CDK14: variants seen among roughly 807,000 people sequenced by gnomAD.
CDK14 encodes cyclin-dependent kinase 14.
CDK14 carries 34 observed loss-of-function variants against 60.7 expected under a neutral mutation model. The ratio of observed to expected loss-of-function variants is 0.56; its 90% CI spans 0.43 to 0.75. The LOEUF is 0.75. CDK14 is among the 30% of genes least tolerant of loss of function. The pLI, the probability that CDK14 is intolerant of heterozygous loss-of-function variation, is 0.00. For missense variants in CDK14, 482 were observed against 564.1 expected (o/e 0.85, Z 1.47); for synonymous variants, 197 against 203.7 (o/e 0.97, Z 0.28).
chr7:91,083,893 G>A (rs1798552795), intron 12 of CDK14, among the ~76,000 whole-genome samples: 1 of 152,208 alleles, frequency 6.6e-6, no homozygotes, highest in Non-Finnish European at 1.5e-5. Flanking sequence ...CTGATCACTA[G>A]CAGTGGCAAC....
rs200146089 is a variant in CDK14 at position 91,059,811 on chromosome 7, T to A, written c.1105+13851T>A. On this transcript the variant is annotated intron_variant, in intron 11 of 14. Transcript: ENST00000380050. ...CTGTTCTTTTACATTTGCTGAGGAG[T>A]GCTTTACTTCCAAGTATGTGGTCAA... Among the ~76,000 whole-genome samples, 46 of 152,266 alleles carry A rather than the reference T, an allele frequency of 3.0e-4. No individual in the cohort carries two copies. The East Asian group carries it at 5.8e-3, about 19-fold the overall frequency.
chr7:90,996,751 T>C (rs1031597697), intron 10 of CDK14, among the ~76,000 whole-genome samples: 1 of 152,206 alleles, frequency 6.6e-6, no homozygotes, highest in African/African-American at 2.4e-5. Flanking sequence ...AGATATACCA[T>C]TCAATTAAAT....
chr7:90,810,835 G>A (rs963793460), intron 5 of CDK14, among the ~76,000 whole-genome samples: 3 of 151,870 alleles, frequency 2.0e-5, no homozygotes, highest in Non-Finnish European at 2.9e-5. Context: ...GACAAACAGA[G>A]AGCCAAATCA....
At chr7:90,761,781 C>T (rs1200545760) in intron 4 of CDK14, among the ~76,000 whole-genome samples, 1 of 152,002 alleles carries the variant, frequency 6.6e-6, no homozygotes, top group African/African-American at 2.4e-5. Flanking sequence ...ATTGAGAAAC[C>T]CTGGTCTTAA....
intron 6 of CDK14, among the ~76,000 whole-genome samples, chr7:90,895,589 C>A (rs1792310708): frequency 8.0e-6 from 1 of 124,954 alleles, no homozygotes; most frequent in Non-Finnish European, 1.7e-5. Flanking sequence ...CTGACAGAGT[C>A]TTGCTCTGTC....
chr7:91,148,543 T>C (rs1800725783), intron 14 of CDK14, among the ~76,000 whole-genome samples: 1 of 151,906 alleles, frequency 6.6e-6, no homozygotes, highest in Non-Finnish European at 1.5e-5. Context: ...AAAAGTGGAG[T>C]GCCCCTCTGA....
At chr7:91,117,957 G>C (rs528516057) in intron 13 of CDK14, 108 bp from the exon 14 acceptor site, 55 of 601,810 alleles carry the variant, frequency 9.1e-5, no homozygotes, top group Non-Finnish European at 1.4e-4. Context: ...ATGATGTTCA[G>C]TGTGCTGGGC....
chr7:90,844,304 C>G (rs1790391453), intron 5 of CDK14, among the ~76,000 whole-genome samples: 1 of 152,180 alleles, frequency 6.6e-6, no homozygotes, highest in African/African-American at 2.4e-5. Flanking sequence ...AACTTCCCAT[C>G]ATCTCAGGTG....
chr7:91,130,091 CT>C (rs1404869995), intron 14 of CDK14, among the ~76,000 whole-genome samples: 3 of 152,064 alleles, frequency 2.0e-5, no homozygotes, highest in African/African-American at 7.2e-5. Flanking sequence ...TCTGAAAGGG[CT>C]ATTAAAATAC....
At chr7:90,734,955 A>G (rs1439569424) in intron 3 of CDK14, among the ~76,000 whole-genome samples, 3 of 151,872 alleles carry the variant, frequency 2.0e-5, no homozygotes, top group East Asian at 1.9e-4. Context: ...GGATTTACCT[A>G]CCTTTGGTCT....
At position 90,921,113 on chromosome 7, in the gene CDK14, C is replaced by T. The variant is rs144137153; in HGVS notation, c.826+3389C>T. ...ATAAAATTATATGGAGGCATTCAGA[C>T]TCATTTCCTAAAAGATGGTTCATCT... On this transcript the variant is annotated intron_variant, in intron 8 of 14. Transcript: ENST00000380050. Among the ~76,000 whole-genome samples, 799 of 152,254 alleles carry T rather than the reference C, an allele frequency of 5.2e-3. 8 individuals carry two copies. The highest frequency in any genetic ancestry group is 0.018 in the African/African-American group (753 of 41,540).
intron 11 of CDK14, among the ~76,000 whole-genome samples, chr7:91,070,278 G>C (rs1400495651): frequency 6.6e-6 from 1 of 151,990 alleles, no homozygotes; most frequent in Non-Finnish European, 1.5e-5. Context: ...GCTGGTGGTG[G>C]TGGTGGTGGT....
intron 8 of CDK14, among the ~76,000 whole-genome samples, chr7:90,924,941 C>A (rs1322633761): frequency 6.6e-6 from 1 of 151,868 alleles, no homozygotes; most frequent in Non-Finnish European, 1.5e-5. Flanking sequence ...GGACTTTTTT[C>A]ATTTTAATGA....
rs148964031 is a variant in CDK14, at chr7:91,100,564, A to G, written c.1155-11978A>G. 3.8e-3 allele frequency among the ~76,000 whole-genome samples: 583 copies of G among 152,342 alleles called. 3 individuals are homozygous for G. The highest frequency in any genetic ancestry group is 4.4e-3 in the Non-Finnish European group (302 of 68,020). On this transcript the variant is annotated intron_variant, in intron 12 of 14. Transcript: ENST00000380050. ...TAATGTCTGTATCAATGGATTTATGAAAGGTAAATATGAAAATAGCATCAT... is the reference window on the plus strand; with the variant it reads ...TAATGTCTGTATCAATGGATTTATGGAAGGTAAATATGAAAATAGCATCAT...
intron 10 of CDK14, among the ~76,000 whole-genome samples, chr7:90,999,567 T>A (rs1357698190): frequency 6.6e-6 from 1 of 151,806 alleles, no homozygotes; most frequent in Non-Finnish European, 1.5e-5. Context: ...CCAGCCTGGG[T>A]GACAGAGCGA....
chr7:91,120,332 G>A (rs933750579), intron 14 of CDK14, among the ~76,000 whole-genome samples: 1 of 151,140 alleles, frequency 6.6e-6, no homozygotes, highest in Non-Finnish European at 1.5e-5. Flanking sequence ...TAATTGAAAA[G>A]AGATTTTTTT....
intron 9 of CDK14, among the ~76,000 whole-genome samples, chr7:90,965,102 T>C (rs1348241703): frequency 6.6e-6 from 1 of 152,222 alleles, no homozygotes; most frequent in Non-Finnish European, 1.5e-5. Flanking sequence ...GCTTTCTGAT[T>C]TCTTGGCTTG....
At chr7:91,117,914 G>A (rs550926895) in intron 13 of CDK14, 151 bp from the exon 14 acceptor site, 14 of 494,430 alleles carry the variant, frequency 2.8e-5, no homozygotes, top group African/African-American at 1.9e-4. Context: ...GTGTGCCTGC[G>A]ACCACCTGGC....
chr7:90,704,915 G>T (rs1303983985), intron 2 of CDK14, among the ~76,000 whole-genome samples: 1 of 151,904 alleles, frequency 6.6e-6, no homozygotes, highest in Non-Finnish European at 1.5e-5. Flanking sequence ...AGTTTTTAGG[G>T]TTCACAAAAA....
Sources: gnomAD v4.1 joint callset for allele counts (sites outside exome capture counted in the v4.1 genomes callset) on GRCh38, gnomAD v4.1.1 for gene constraint, MANE v1.5 for transcripts, NCBI Gene and HGNC (gene_info 2026-07-23, HGNC 2026-07-21) for gene names.